FARS2: variants seen among roughly 807,000 people sequenced by gnomAD.
FARS2 encodes the protein phenylalanine--tRNA ligase, mitochondrial.
FARS2 carries 40 observed loss-of-function variants against 46.4 expected under a neutral mutation model. That is an observed-to-expected ratio of 0.86 (90% CI 0.67 to 1.12). The LOEUF (loss-of-function observed/expected upper bound fraction) is 1.12. FARS2 is among the 50% of genes most tolerant of loss of function. The pLI is 0.00. For missense variants in FARS2, 513 were observed against 567.9 expected (o/e 0.90, Z 0.98); for synonymous variants, 234 against 214.9 (o/e 1.09, Z -0.78).
intron 2 of FARS2, among the ~76,000 whole-genome samples, chr6:5,387,249 C>T (rs1760192848): frequency 6.6e-6 from 1 of 152,136 alleles, no homozygotes; most frequent in South Asian, 2.1e-4. Context: ...TTTGAGGAGA[C>T]AGAGTGACGG....
intron 3 of FARS2, among the ~76,000 whole-genome samples, chr6:5,415,855 C>T (rs1024790931): frequency 6.6e-6 from 1 of 152,146 alleles, no homozygotes; most frequent in African/African-American, 2.4e-5. Flanking sequence ...TACAGGTGCT[C>T]ATCACAATGC....
chr6:5,742,654 C>T (rs936847562), intron 6 of FARS2, among the ~76,000 whole-genome samples: 4 of 151,934 alleles, frequency 2.6e-5, no homozygotes, highest in African/African-American at 9.7e-5. Context: ...CCTCCCACCA[C>T]CCCGCCACTT....
chr6:5,589,756 A>T (rs1773812150), intron 5 of FARS2, among the ~76,000 whole-genome samples: 1 of 152,186 alleles, frequency 6.6e-6, no homozygotes, highest in Admixed American at 6.5e-5. Context: ...TGAATATATA[A>T]CCTTTTGGTA....
At chr6:5,614,537 G>GT in intron 6 of FARS2, among the ~76,000 whole-genome samples, 1 of 152,084 alleles carries the variant, frequency 6.6e-6, no homozygotes, top group East Asian at 1.9e-4. Flanking sequence ...AGCCTCCTGA[G>GT]TAGCTGGGAC....
chr6:5,418,244 G>A (rs1051351308), intron 3 of FARS2, among the ~76,000 whole-genome samples: 19 of 152,060 alleles, frequency 1.2e-4, no homozygotes, highest in African/African-American at 4.3e-4. Flanking sequence ...TATTTTGCAT[G>A]CCTGGTAATT....
intron 1 of FARS2, among the ~76,000 whole-genome samples, chr6:5,344,770 G>A (rs568394561): frequency 6.0e-5 from 9 of 151,044 alleles, no homozygotes; most frequent in Admixed American, 4.6e-4. Context: ...ACAGTGCCTC[G>A]TTTTCTCTTT....
intron 6 of FARS2, among the ~76,000 whole-genome samples, chr6:5,753,428 T>G (rs1762053762): frequency 6.6e-6 from 1 of 152,224 alleles, no homozygotes; most frequent in Non-Finnish European, 1.5e-5. Context: ...CCTTGGACAC[T>G]TGCCTGCATT....
intron 4 of FARS2, among the ~76,000 whole-genome samples, chr6:5,468,801 A>T (rs1765653609): frequency 6.6e-6 from 1 of 152,208 alleles, no homozygotes; most frequent in Admixed American, 6.5e-5. Context: ...TGACAGTGAG[A>T]TAAGAGTAGA....
intron 1 of FARS2, among the ~76,000 whole-genome samples, chr6:5,368,172 G>A (rs920277391): frequency 6.6e-6 from 1 of 152,076 alleles, no homozygotes; most frequent in Non-Finnish European, 1.5e-5. Context: ...ATTAAGTTCT[G>A]TATTTTAGGG....
At chr6:5,365,313 C>CTTTTTTTTTTTTT (rs1469292273) in intron 1 of FARS2, among the ~76,000 whole-genome samples, 1 of 68,136 alleles carries the variant, frequency 1.5e-5, no homozygotes, top group Non-Finnish European at 2.9e-5. Flanking sequence ...GAGAAGTATA[C>CTTTTTTTTTTTTT]TTTCTTTTTT....
chr6:5,546,807 A>G (rs937045415), intron 5 of FARS2, among the ~76,000 whole-genome samples: 3 of 151,146 alleles, frequency 2.0e-5, no homozygotes, highest in Admixed American at 2.0e-4. Context: ...AGATAACTGT[A>G]TTTATCAATT....
intron 6 of FARS2, among the ~76,000 whole-genome samples, chr6:5,741,304 G>C (rs1159257771): frequency 6.6e-6 from 1 of 152,232 alleles, no homozygotes; most frequent in African/African-American, 2.4e-5. Flanking sequence ...CTGCACGGGA[G>C]ATGCACAGGG....
chr6:5,638,114 A>G (rs1036294065), intron 6 of FARS2, among the ~76,000 whole-genome samples: 3 of 152,182 alleles, frequency 2.0e-5, no homozygotes, highest in Non-Finnish European at 2.9e-5. Flanking sequence ...TGTGCCTTAT[A>G]CTGCAAGATG....
intron 1 of FARS2, among the ~76,000 whole-genome samples, chr6:5,301,794 C>CACACAT (rs1768323771): frequency 7.7e-6 from 1 of 129,198 alleles, no homozygotes; most frequent in Admixed American, 8.1e-5. Context: ...TGCTATCTCA[C>CACACAT]ACACACATAC....
chr6:5,614,816 T>G (rs1775385287), intron 6 of FARS2, among the ~76,000 whole-genome samples: 1 of 152,226 alleles, frequency 6.6e-6, no homozygotes, highest in African/African-American at 2.4e-5. Flanking sequence ...CATCTAGAAT[T>G]TTGCTCAACA....
rs139523232 is a variant in FARS2 at position 5,573,194 on chromosome 6, T to C, written c.1065+27854T>C. Among the ~76,000 whole-genome samples, 282 of 152,330 alleles carry C rather than the reference T, an allele frequency of 1.9e-3. 4 individuals carry two copies. In the Middle Eastern group the frequency reaches 0.02, roughly 11 times the overall value. On this transcript the variant is annotated intron_variant, in intron 5 of 6. Coordinates refer to ENST00000274680, the MANE Select transcript of FARS2 (RefSeq NM_006567.5). ...GTGATACAGACTCTGTGCTCAGCCA[T>C]TGAGTTCATGACCAAGACATAGCCC...
chr6:5,549,340 C>T (rs1771235627), intron 5 of FARS2, among the ~76,000 whole-genome samples: 2 of 152,216 alleles, frequency 1.3e-5, no homozygotes, highest in African/African-American at 4.8e-5. Context: ...CTTCCCCCCA[C>T]TCCACGACAG....
At chr6:5,756,797 AAACT>A (rs1198317315) in intron 6 of FARS2, among the ~76,000 whole-genome samples, 5 of 152,236 alleles carry the variant, frequency 3.3e-5, no homozygotes, top group African/African-American at 1.2e-4. Context: ...ATCTGATTAT[AAACT>A]AACTGTCATA....
At chr6:5,687,250 G>A (rs940043848) in intron 6 of FARS2, among the ~76,000 whole-genome samples, 13 of 152,174 alleles carry the variant, frequency 8.5e-5, no homozygotes, top group African/African-American at 2.7e-4. Context: ...TGCTTTTGGT[G>A]TTTTAGACAC....
Sources: allele counts gnomAD v4.1 joint callset (sites outside exome capture counted in the v4.1 genomes callset), GRCh38; gene constraint gnomAD v4.1.1; transcripts MANE v1.5; gene names NCBI Gene and HGNC (gene_info 2026-07-23, HGNC 2026-07-21).